Variants in SGCD observed in about 807,000 individuals in gnomAD.
The protein encoded by SGCD is sarcoglycan delta.
Under a neutral mutation model 36.6 loss-of-function variants are expected in SGCD, and 18 were observed. The observed-to-expected ratio is 0.49, with a 90% CI of 0.34 to 0.73. The LOEUF (loss-of-function observed/expected upper bound fraction) is 0.73. Among genes scored for constraint, SGCD ranks in the 30% least tolerant of loss-of-function variants. The probability of loss-of-function intolerance (pLI) is 0.01; values close to 1 mark genes in which losing one functional copy is unlikely to be tolerated. For missense variants in SGCD, 387 were observed against 346.7 expected, an observed-to-expected ratio of 1.12 and a Z score of -0.92; for synonymous variants, 133 against 130.6, an observed-to-expected ratio of 1.02 and a Z score of -0.12.
intron 3 of SGCD, among the ~76,000 whole-genome samples, chr5:156,154,647 C>A (rs1166832445): frequency 6.6e-6 from 1 of 151,502 alleles, no homozygotes; most frequent in South Asian, 2.1e-4. Flanking sequence ...ATCATAAGAA[C>A]CATGGGAGAC....
intron 3 of SGCD, among the ~76,000 whole-genome samples, chr5:156,422,713 C>T (rs1397684981): frequency 6.6e-6 from 1 of 152,006 alleles, no homozygotes; most frequent in African/African-American, 2.4e-5. Flanking sequence ...ATATCCCATG[C>T]ACAGTAGGTG....
At position 156,757,639 on chromosome 5, in the gene SGCD, G is replaced by T. The variant is rs1757391466; in HGVS notation, c.634G>T (p.Ala212Ser). The T allele has an allele frequency of 6.2e-7, 1 of 1,610,884 alleles. No homozygotes were observed. The highest frequency in any genetic ancestry group is 8.5e-7 in the Non-Finnish European group (1 of 1,178,672). Residue 212 changes from alanine (A) to serine (S), a missense_variant, in exon 8 of 9, where the codon GCA becomes TCA. By Grantham distance (99) the Ala-to-Ser change is moderately conservative (BLOSUM62 1). Coordinates refer to ENST00000337851, the MANE Select transcript of SGCD (RefSeq NM_000337.6). The part of the protein sequence containing the change: ...MEAPKGVEIN[A>S]EAGNMEATCR... The stretch of plus-strand genomic sequence containing the variant: ...GGCCCCAAAAGGAGTGGAAATCAAT[G>T]CAGAAGCTGGCAATATGGAAGCCAC...
intron 4 of SGCD, among the ~76,000 whole-genome samples, chr5:156,561,240 T>C (rs1278163336): frequency 1.3e-5 from 2 of 152,210 alleles, no homozygotes; most frequent in African/African-American, 4.8e-5. Flanking sequence ...GGTTTCCCTA[T>C]CTGTAATTTA....
chr5:155,879,012 C>T (rs543489508), intron 1 of SGCD, among the ~76,000 whole-genome samples: 2 of 152,008 alleles, frequency 1.3e-5, no homozygotes, highest in Non-Finnish European at 2.9e-5. Context: ...ACATTTCATA[C>T]CACAGAGTGA....
intron 3 of SGCD, among the ~76,000 whole-genome samples, chr5:156,161,704 A>G (rs1452376119): frequency 6.6e-6 from 1 of 151,810 alleles, no homozygotes; most frequent in Non-Finnish European, 1.5e-5. Flanking sequence ...GAGAACTATT[A>G]TATGTTTGCA....
intron 3 of SGCD, among the ~76,000 whole-genome samples, chr5:156,477,341 A>G (rs1240455524): frequency 6.6e-6 from 1 of 152,214 alleles, no homozygotes; most frequent in Non-Finnish European, 1.5e-5. Context: ...TAACCCATAG[A>G]ACCCACTCCT....
intron 7 of SGCD, among the ~76,000 whole-genome samples, chr5:156,725,316 A>G (rs1755718384): frequency 6.6e-6 from 1 of 152,214 alleles, no homozygotes. Flanking sequence ...TCTGCAAGGA[A>G]GGTTGGGCCA....
At chr5:155,815,813 G>A in the SGCD span, among the ~76,000 whole-genome samples, 1 of 152,026 alleles carries the variant, frequency 6.6e-6, no homozygotes, top group Non-Finnish European at 1.5e-5. Context: ...CAACACTGGG[G>A]ATTACAATTC....
chr5:156,562,839 A>G (rs1165442863), intron 4 of SGCD, among the ~76,000 whole-genome samples: 1 of 150,992 alleles, frequency 6.6e-6, no homozygotes, highest in Non-Finnish European at 1.5e-5. Flanking sequence ...ATTCTTATAC[A>G]TATTTTATAT....
rs140067921 is a variant in SGCD, at chr5:155,963,914, C to T, written c.-282+93490C>T. On this transcript the variant is annotated intron_variant, in intron 1 of 9. Coordinates refer to the SGCD transcript ENST00000517913. ...ATCAAAAAGTTGATGCTTTGGTGCA[C>T]ATCATTGCAGATGTTGAGTTTTTGT... Among the ~76,000 whole-genome samples the T allele has an allele frequency of 5.0e-3, 755 of 152,204 alleles. 7 individuals carry two copies. Among genetic ancestry groups the T allele is most frequent in the Non-Finnish European group, 7.2e-3 (488 of 67,996 alleles).
intron 6 of SGCD, among the ~76,000 whole-genome samples, chr5:156,611,666 A>C (rs1000381663): frequency 1.3e-5 from 2 of 152,174 alleles, no homozygotes; most frequent in Non-Finnish European, 2.9e-5. Context: ...TTGTTAAATT[A>C]GTTTTCTGTG....
intron 7 of SGCD, among the ~76,000 whole-genome samples, chr5:156,730,403 A>T (rs776085372): frequency 1.7e-4 from 26 of 152,102 alleles, no homozygotes; most frequent in Non-Finnish European, 3.7e-4. Context: ...GCCCCAGTGC[A>T]TGTTGTTCCC....
chr5:156,424,490 A>G (rs1379362846), intron 3 of SGCD, among the ~76,000 whole-genome samples: 1 of 152,108 alleles, frequency 6.6e-6, no homozygotes, highest in Non-Finnish European at 1.5e-5. Flanking sequence ...TAAAAACCTG[A>G]TACAGGAAAC....
At chr5:156,444,876 A>G (rs1284455414) in intron 3 of SGCD, among the ~76,000 whole-genome samples, 1 of 152,194 alleles carries the variant, frequency 6.6e-6, no homozygotes, top group African/African-American at 2.4e-5. Flanking sequence ...ACAAGAGGAT[A>G]ATAAAGACAC....
chr5:156,753,516 G>T (rs1034615633), intron 7 of SGCD, among the ~76,000 whole-genome samples: 1 of 152,158 alleles, frequency 6.6e-6, no homozygotes, highest in African/African-American at 2.4e-5. Context: ...ACAGGGTTTT[G>T]GTAGGAGTGT....
chr5:156,509,279 G>T (rs1365790938), intron 4 of SGCD, among the ~76,000 whole-genome samples: 5 of 152,036 alleles, frequency 3.3e-5, no homozygotes, highest in Non-Finnish European at 5.9e-5. Context: ...GCAAAAATTT[G>T]CCAAGTGTAG....
intron 4 of SGCD, among the ~76,000 whole-genome samples, chr5:156,571,182 A>T (rs1243337138): frequency 6.6e-6 from 1 of 152,116 alleles, no homozygotes; most frequent in South Asian, 2.1e-4. Flanking sequence ...AGTAGCTGGG[A>T]TTACAGGTGT....
At chr5:155,925,814 G>T (rs1254044980) in intron 1 of SGCD, among the ~76,000 whole-genome samples, 1 of 152,022 alleles carries the variant, frequency 6.6e-6, no homozygotes, top group Admixed American at 6.6e-5. Flanking sequence ...ATGAGGTTTT[G>T]CCATGTGGCC....
chr5:156,602,135 A>G (rs914104346), intron 6 of SGCD, among the ~76,000 whole-genome samples: 2 of 151,618 alleles, frequency 1.3e-5, no homozygotes, highest in Non-Finnish European at 2.9e-5. Flanking sequence ...TCAATGTTGT[A>G]TAGTTTTCAG....
Sources: gnomAD v4.1 joint callset for allele counts (sites outside exome capture counted in the v4.1 genomes callset) on GRCh38, gnomAD v4.1.1 for gene constraint, MANE v1.5 for transcripts, NCBI Gene and HGNC (gene_info 2026-07-23, HGNC 2026-07-21) for gene names.